Variants in CPEB3 observed in about 807,000 individuals in gnomAD.
The protein encoded by CPEB3 is cytoplasmic polyadenylation element binding protein 3, also known as cytoplasmic polyadenylation element-binding protein 3.
In CPEB3, 20 loss-of-function variants were observed where a neutral mutation model predicts 67.2. That is an observed-to-expected ratio of 0.30 (90% CI 0.21 to 0.43). The LOEUF (loss-of-function observed/expected upper bound fraction) is 0.43, where lower values mean the gene tolerates loss of function less well. CPEB3 is among the 20% of genes least tolerant of loss of function. CPEB3 has a pLI of 1.00. For synonymous variants in CPEB3, 376 were observed against 393.1 expected (o/e 0.96, Z 0.51); for missense variants, 746 against 968.6 (o/e 0.77, Z 3.05).
At chr10:92,277,905 C>A (rs7080101) in intron 1 of CPEB3, among the ~76,000 whole-genome samples, 47,220 of 148,268 alleles carry the variant, frequency 0.32, 7,682 homozygotes, top group Admixed American at 0.44. Context: ...AACAAAAAGG[C>A]CGGGTGCAGT....
intron 1 of CPEB3, among the ~76,000 whole-genome samples, chr10:92,284,036 GT>G (rs990569170): frequency 4.3e-5 from 6 of 140,084 alleles, no homozygotes; most frequent in Non-Finnish European, 9.3e-5. Context: ...CCAGAATGGG[GT>G]CTCTTTTTTT....
At position 92,052,339 on chromosome 10, in the gene CPEB3, G is replaced by C. The variant is rs1841927502; in HGVS notation, c.1970C>G (p.Thr657Ser). Residue 657 changes from threonine to serine, a missense_variant, in exon 10 of 10, where the codon ACC (threonine) becomes AGC (serine). Thr to Ser is a moderately conservative substitution (Grantham distance 58). This residue lies in a region of CPEB3 where 103 missense variants were observed against 251.1 expected (regional missense o/e 0.41). Transcript: ENST00000265997. ...KFAPFFCANV[T>S]CLQYYCEYCW... is the part of the protein sequence containing the mutation. ...GTATTCACAGTAATACTGCAGACAG[G>C]TGACGTTGGCACAGAAGAACGGGGC... 6.2e-7 allele frequency: 1 copy of C among 1,614,212 alleles called. No homozygotes were observed. The highest frequency in any genetic ancestry group is 8.5e-7 in the Non-Finnish European group (1 of 1,180,036).
chr10:92,216,437 C>A, intron 2 of CPEB3: 1 of 1,612,658 alleles, frequency 6.2e-7, no homozygotes, highest in Non-Finnish European at 8.5e-7. Flanking sequence ...CCCCATCGCG[C>A]AGCTCCTGGC....
intron 9 of CPEB3, among the ~76,000 whole-genome samples, 160 bp from the exon 10 acceptor site, chr10:92,052,599 A>C (rs531770331): frequency 6.6e-6 from 1 of 152,364 alleles, no homozygotes; most frequent in East Asian, 1.9e-4. Flanking sequence ...GGGCTTTGGA[A>C]TAAGCTCCTT....
At chr10:92,061,377 C>A (rs917768248) in intron 9 of CPEB3, among the ~76,000 whole-genome samples, 1 of 147,952 alleles carries the variant, frequency 6.8e-6, no homozygotes, top group Non-Finnish European at 1.5e-5. Flanking sequence ...CAAGATCGCG[C>A]CACTGCACTC....
In CPEB3 at chr10:92,050,353, C is replaced by G. The variant is rs1366353169; in HGVS notation, c.*1859G>C. ...TGCAACTAAACATGGGAGAACAAAA[C>G]AAAAACAAGCAACACTAACTTAAGA... On this transcript the variant is annotated 3_prime_UTR_variant, in exon 10 of 10. Coordinates refer to ENST00000265997, the MANE Select transcript of CPEB3 (RefSeq NM_014912.5). 3 of 152,536 alleles carry G rather than the reference C, an allele frequency of 2.0e-5. No individual in the cohort carries two copies. The allele number at this position is 152,536 out of a possible 1,614,324, so 9.4% of individuals were successfully genotyped here.
intron 2 of CPEB3, among the ~76,000 whole-genome samples, chr10:92,215,283 G>C (rs1850302409): frequency 6.6e-6 from 1 of 150,440 alleles, no homozygotes; most frequent in Non-Finnish European, 1.5e-5. Context: ...CTCCTAAGTA[G>C]CTGGGATTAC....
intron 2 of CPEB3, among the ~76,000 whole-genome samples, chr10:92,203,441 T>TGATAC (rs1491202066): frequency 7.2e-6 from 1 of 138,420 alleles, no homozygotes; most frequent in Admixed American, 7.0e-5. Context: ...TATATGTATA[T>TGATAC]GTATATATAT....
Position 92,216,534 on chromosome 10 carries a change from A to C in CPEB3, c.1005+22812T>G. On this transcript the variant is annotated intron_variant, in intron 2 of 9. Transcript: ENST00000265997. ...ATTCGGCGCGGGGTGAAAGAGGTTC[A>C]GAAATTTGTCAACAAAGGAGAAAAA... 7 of 1,612,876 alleles carry C rather than the reference A, an allele frequency of 4.3e-6. 1 individual carries two copies. In the South Asian group the frequency reaches 7.7e-5, roughly 18 times the overall value.
chr10:92,206,125 G>A (rs1849777035), intron 2 of CPEB3, among the ~76,000 whole-genome samples: 1 of 149,728 alleles, frequency 6.7e-6, no homozygotes, highest in African/African-American at 2.5e-5. Flanking sequence ...AAGCTGGAGT[G>A]CAATGGCGCA....
chr10:92,275,305 CA>C (rs1564926264), intron 1 of CPEB3, among the ~76,000 whole-genome samples: 1 of 152,208 alleles, frequency 6.6e-6, no homozygotes, highest in African/African-American at 2.4e-5. Context: ...TGTCTCCAGA[CA>C]TTACCAAACA....
intron 1 of CPEB3, among the ~76,000 whole-genome samples, chr10:92,244,630 G>T (rs1020204895): frequency 6.6e-6 from 1 of 151,836 alleles, no homozygotes; most frequent in African/African-American, 2.4e-5. Flanking sequence ...GTAGAAAAGG[G>T]TTTTCACTGT....
chr10:92,204,109 A>C (rs557119742), intron 2 of CPEB3: 28 of 152,230 alleles, frequency 1.8e-4, no homozygotes, highest in African/African-American at 6.7e-4. Context: ...TGACCAGGGC[A>C]CATTTTAAGA....
At chr10:92,057,739 G>T (rs964286036) in intron 9 of CPEB3, among the ~76,000 whole-genome samples, 1 of 152,206 alleles carries the variant, frequency 6.6e-6, no homozygotes, top group African/African-American at 2.4e-5. Context: ...CCAGCTTTAG[G>T]TGGCTGAGAA....
intron 5 of CPEB3, 56 bp from the exon 6 acceptor site, chr10:92,143,174 A>T: frequency 7.6e-7 from 1 of 1,307,392 alleles, no homozygotes; most frequent in Non-Finnish European, 1.1e-6. Context: ...CAATCAGAAA[A>T]CCAGAAGAGC....
At chr10:92,119,143 T>C (rs1028617599) in intron 6 of CPEB3, 1 of 1,584,470 alleles carries the variant, frequency 6.3e-7, no homozygotes, top group South Asian at 1.1e-5. Context: ...TGTTGTCCTC[T>C]GTAGGGCCGG....
At chr10:92,063,249 T>C (rs1590057343) in intron 9 of CPEB3, among the ~76,000 whole-genome samples, 1 of 152,202 alleles carries the variant, frequency 6.6e-6, no homozygotes, top group Non-Finnish European at 1.5e-5. Flanking sequence ...AATAAAGCAA[T>C]GGCTAAACAA....
chr10:92,248,299 T>C (rs1234487679), intron 1 of CPEB3, among the ~76,000 whole-genome samples: 1 of 152,226 alleles, frequency 6.6e-6, no homozygotes, highest in Admixed American at 6.5e-5. Flanking sequence ...CAAAAAAAGT[T>C]TGTACGTGTT....
intron 6 of CPEB3, among the ~76,000 whole-genome samples, chr10:92,123,875 C>G (rs1418209242): frequency 6.6e-6 from 1 of 152,168 alleles, no homozygotes; most frequent in Admixed American, 6.5e-5. Context: ...GGTCTTTGCT[C>G]TCAGTTTTCA....
Sources: gnomAD v4.1 joint callset for allele counts (sites outside exome capture counted in the v4.1 genomes callset) on GRCh38, gnomAD v4.1.1 for gene constraint, gnomAD v4.1.1 regional missense constraint, MANE v1.5 for transcripts, NCBI Gene and HGNC (gene_info 2026-07-23, HGNC 2026-07-21) for gene names.